SH3D21: variants seen among roughly 807,000 people sequenced by gnomAD.
SH3D21 encodes SH3 domain-containing protein 21.
SH3D21 carries 83 observed loss-of-function variants against 82.1 expected under a neutral mutation model. The ratio of observed to expected loss-of-function variants is 1.01; its 90% confidence interval spans 0.85 to 1.21. The LOEUF is 1.21. SH3D21 is among the 50% of genes most tolerant of loss of function. The probability of loss-of-function intolerance (pLI) is 0.00; values close to 1 mark genes in which losing one functional copy is unlikely to be tolerated. For missense variants in SH3D21, 980 were observed against 962.1 expected, an observed-to-expected ratio of 1.02 and a Z score of -0.25; for synonymous variants, 383 against 387.8, an observed-to-expected ratio of 0.99 and a Z score of 0.15.
At chr1:36,319,033 C>CT in intron 10 of SH3D21, 38 bp from the exon 11 acceptor site, 2 of 1,264,176 alleles carry the variant, frequency 1.6e-6, no homozygotes, top group Non-Finnish European at 1.1e-6. Flanking sequence ...GGGCTAGCGA[C>CT]TGTCAGATGG....
At chr1:36,329,830 G>C (rs916263392), downstream of SH3D21, among the ~76,000 whole-genome samples, 44 of 152,240 alleles carry the variant, frequency 2.9e-4, no homozygotes, top group Non-Finnish European at 4.9e-4. Flanking sequence ...CCTGGGAGAA[G>C]AGCCTTCGAG....
In SH3D21 at chr1:36,320,005, G is replaced by C. The variant is rs1260558510; in HGVS notation, c.1342G>C (p.Glu448Gln). The change falls in exon 14 of 16, where the codon GAG becomes CAG. Residue 448 changes from glutamate (E) to glutamine (Q), a missense_variant. Glu to Gln is a conservative substitution (Grantham distance 29). Coordinates refer to ENST00000453908, the MANE Select transcript of SH3D21 (RefSeq NM_001162530.2). ...TLTVDKPSTP[E>Q]RVFSVEESPA... is the part of the protein sequence containing the mutation. Reference sequence around the variant, plus strand: ...GACTGTGGACAAACCCTCCACTCCAGAGAGGGTCTTTTCAGTGGAAGAGTC... The same window carrying C: ...GACTGTGGACAAACCCTCCACTCCACAGAGGGTCTTTTCAGTGGAAGAGTC... The C allele has an allele frequency of 6.2e-7, 1 of 1,614,162 alleles. No individual in the cohort carries two copies. The highest frequency in any genetic ancestry group is 8.5e-7 in the Non-Finnish European group (1 of 1,180,014).
chr1:36,307,830 G>A lies in SH3D21; in HGVS notation c.492+5G>A, dbSNP rs928817456. The A allele has an allele frequency of 6.4e-7, 1 of 1,551,686 alleles. No homozygotes were observed. The highest frequency in any genetic ancestry group is 1.4e-5 in the African/African-American group (1 of 73,048). Reference sequence around the variant, plus strand: ...GGTCCCCAGCGGCCTCCCAAGGTAAGTTGGCTCAGAGTAGGCACAGAGGTG... The same window carrying A: ...GGTCCCCAGCGGCCTCCCAAGGTAAATTGGCTCAGAGTAGGCACAGAGGTG... On this transcript the variant is annotated splice_donor_5th_base_variant and intron_variant, in intron 6 of 15. Transcript: ENST00000453908. This position sits in a 1 kb window ranked among gnomAD's most constrained non-coding sequence, Gnocchi z 5.4.
intron 10 of SH3D21, among the ~76,000 whole-genome samples, chr1:36,310,853 T>TA (rs1482805675): frequency 2.6e-5 from 4 of 152,208 alleles, no homozygotes; most frequent in African/African-American, 9.6e-5. Context: ...TTGAGCTTCA[T>TA]AAAAATGGTA....
At chr1:36,310,695 T>C (rs1421679956) in intron 10 of SH3D21, among the ~76,000 whole-genome samples, 2 of 152,096 alleles carry the variant, frequency 1.3e-5, no homozygotes, top group Non-Finnish European at 2.9e-5. Flanking sequence ...CTGTTGTTTG[T>C]GTCCTCCTCC....
intron 10 of SH3D21, among the ~76,000 whole-genome samples, chr1:36,309,999 G>T (rs1256781299): frequency 6.6e-6 from 1 of 152,046 alleles, no homozygotes; most frequent in Non-Finnish European, 1.5e-5. Flanking sequence ...CTGTCGCCCA[G>T]ACTGGAGTGC....
downstream of SH3D21, chr1:36,323,934 T>A (rs1455391293): frequency 7.2e-5 from 11 of 152,252 alleles, 1 homozygote; most frequent in East Asian, 7.7e-4. Flanking sequence ...TATCCCCACT[T>A]CGCAGATCAA....
downstream of SH3D21, among the ~76,000 whole-genome samples, chr1:36,325,990 G>A (rs1365335048): frequency 2.0e-5 from 3 of 152,214 alleles, no homozygotes; most frequent in Admixed American, 6.5e-5. Context: ...ATAGGGTAAT[G>A]CGATGGACAA....
Position 36,319,497 on chromosome 1 carries a change from C to G in SH3D21, c.972C>G (p.Ser324=). 2 of 1,551,634 alleles carry G rather than the reference C, an allele frequency of 1.3e-6. No individual in the cohort carries two copies. The highest frequency in any genetic ancestry group is 1.7e-6 in the Non-Finnish European group (2 of 1,146,984). The change falls in exon 13 of 16, where the codon TCC becomes TCG. Residue 324 remains serine (S), a synonymous_variant. Coordinates refer to ENST00000453908, the MANE Select transcript of SH3D21 (RefSeq NM_001162530.2). ...GGSYHPGRKR[S]KTQTPQQRSV... The stretch of plus-strand genomic sequence containing the variant: ...CGTATCACCCTGGCCGAAAGCGATC[C>G]AAAACCCAGACTCCCCAGCAACGCT...
In SH3D21 at chr1:36,321,012, G is replaced by A. The variant is rs1166755090; in HGVS notation, c.2199+34G>A. On this transcript the variant is annotated intron_variant, in intron 15 of 15. Coordinates refer to ENST00000453908, the MANE Select transcript of SH3D21 (RefSeq NM_001162530.2). The surrounding 1 kb of genome is among the most constrained non-coding windows in gnomAD (Gnocchi z 6.1). ...CGGGTCCCGGCGGGAGGGGGCTGAC[G>A]GCGAGTGGCCCCCTGACAAAGTCTC... The A allele has an allele frequency of 1.9e-6, 3 of 1,581,464 alleles. No homozygotes were observed. The highest frequency in any genetic ancestry group is 1.1e-5 in the South Asian group (1 of 87,170).
Position 36,321,220 on chromosome 1 carries a change from C to A in SH3D21, c.*93C>A. 6.6e-7 allele frequency: 1 copy of A among 1,512,788 alleles called. No homozygotes were observed. Among genetic ancestry groups the A allele is most frequent in the Non-Finnish European group, 8.9e-7 (1 of 1,129,814 alleles). The allele number at this position is 1,512,788 out of a possible 1,614,324, so 93.7% of individuals were successfully genotyped here. ...GGGAAACGCGAGAAAGTAAACTCTGCCTAGCACGGCGCCACGCCGGTCTGG... is the reference window on the plus strand; with the variant it reads ...GGGAAACGCGAGAAAGTAAACTCTGACTAGCACGGCGCCACGCCGGTCTGG... On this transcript the variant is annotated 3_prime_UTR_variant, in exon 16 of 16. Coordinates refer to ENST00000453908, the MANE Select transcript of SH3D21 (RefSeq NM_001162530.2). This position sits in a 1 kb window ranked among gnomAD's most constrained non-coding sequence, Gnocchi z 6.1.
chr1:36,320,403 C>G lies in SH3D21; in HGVS notation c.1740C>G (p.His580Gln). Reference sequence around the variant, plus strand: ...CCAGGCCTGCCCTTGAGAAGCCCCACCCCCACGAAGAGGCTACAACCCTTC... The same window carrying G: ...CCAGGCCTGCCCTTGAGAAGCCCCAGCCCCACGAAGAGGCTACAACCCTTC... The part of the protein sequence containing the change: ...PASRPALEKP[H>Q]PHEEATTLPE... Residue 580 changes from histidine (H) to glutamine (Q), a missense_variant, in exon 14 of 16, where the codon CAC becomes CAG. By Grantham distance (24) the His-to-Gln change is conservative. Transcript: ENST00000453908. 1.2e-6 allele frequency: 2 copies of G among 1,613,606 alleles called. No individual in the cohort carries two copies. The highest frequency in any genetic ancestry group is 1.7e-6 in the Non-Finnish European group (2 of 1,179,908).
rs1266822100 is a variant in SH3D21 at position 36,320,739 on chromosome 1, G to C, written c.2076G>C (p.Ser692=). 1 of 1,608,436 alleles carries C rather than the reference G, an allele frequency of 6.2e-7. No homozygotes were observed. The highest frequency in any genetic ancestry group is 8.5e-7 in the Non-Finnish European group (1 of 1,177,274). Residue 692 remains serine, a synonymous_variant, in exon 14 of 16, where the codon TCG becomes TCC. Transcript: ENST00000453908. ...AGAATGAAGGAGTTGATGTAACGTCGCTGAGGGGCGAGGTGGAGTCTCTAA... is the reference window on the plus strand; with the variant it reads ...AGAATGAAGGAGTTGATGTAACGTCCCTGAGGGGCGAGGTGGAGTCTCTAA... The part of the protein sequence containing the change: ...ENKNEGVDVT[S]LRGEVESLRR...
chr1:36,321,235 C>T lies in SH3D21; in HGVS notation c.*108C>T. ...GTAAACTCTGCCTAGCACGGCGCCACGCCGGTCTGGTCGCTGGGGGCGGGG... is the reference window on the plus strand; with the variant it reads ...GTAAACTCTGCCTAGCACGGCGCCATGCCGGTCTGGTCGCTGGGGGCGGGG... On this transcript the variant is annotated 3_prime_UTR_variant, in exon 16 of 16. Coordinates refer to ENST00000453908, the MANE Select transcript of SH3D21 (RefSeq NM_001162530.2). This position sits in a 1 kb window ranked among gnomAD's most constrained non-coding sequence, Gnocchi z 6.1. 6.7e-7 allele frequency: 1 copy of T among 1,489,788 alleles called. No individual in the cohort carries two copies. Among genetic ancestry groups the T allele is most frequent in the Non-Finnish European group, 8.9e-7 (1 of 1,119,978 alleles). The allele number at this position is 1,489,788 out of a possible 1,614,324, so 92.3% of individuals were successfully genotyped here. A position where few individuals can be genotyped will look rare whatever the true frequency, so the allele number is the denominator to read the frequency against.
Position 36,306,519 on chromosome 1 carries a change from T to C in SH3D21, c.5-79T>C. 7.7e-7 allele frequency: 1 copy of C among 1,303,832 alleles called. No individual in the cohort carries two copies. The highest frequency in any genetic ancestry group is 1.2e-5 in the South Asian group (1 of 80,980). The allele number at this position is 1,303,832 out of a possible 1,614,324, so 80.8% of individuals were successfully genotyped here. On this transcript the variant is annotated intron_variant, in intron 1 of 15. Transcript: ENST00000453908. The surrounding 1 kb of genome is among the most constrained non-coding windows in gnomAD (Gnocchi z 4.5). ...CGACCCCCGCTGCCCTCTACGGTGC[T>C]TGGGGACACGCCCGCCCTAGCCAGG...
downstream of SH3D21, chr1:36,324,494 TG>T (rs1212380974): frequency 2.6e-5 from 4 of 152,324 alleles, no homozygotes; most frequent in African/African-American, 9.6e-5. Context: ...CCTCCCTTGC[TG>T]GAGCTAGAAT....
intron 10 of SH3D21, among the ~76,000 whole-genome samples, chr1:36,310,910 G>GT (rs950679725): frequency 8.6e-5 from 13 of 151,388 alleles, no homozygotes; most frequent in African/African-American, 3.2e-4. Flanking sequence ...TGGTTTGTTT[G>GT]TTTTTTTTTT....
rs745599399 is a variant in SH3D21, at chr1:36,320,653, C to G, written c.1990C>G (p.Pro664Ala). The G allele has an allele frequency of 1.2e-6, 2 of 1,614,274 alleles. No homozygotes were observed. The highest frequency in any genetic ancestry group is 1.1e-5 in the South Asian group (1 of 91,084). The change falls in exon 14 of 16, where the codon CCA (proline) becomes GCA (alanine). Residue 664 changes from proline (P) to alanine (A), a missense_variant. Transcript: ENST00000453908. Reference sequence around the variant, plus strand: ...AAAAACACGTCCTATCAAGCCGCCTCCAGACTCCCAAGAGACGCTCGCGCT... The same window carrying G: ...AAAAACACGTCCTATCAAGCCGCCTGCAGACTCCCAAGAGACGCTCGCGCT... ...AQKTRPIKPP[P>A]DSQETLALPS...
intron 10 of SH3D21, among the ~76,000 whole-genome samples, chr1:36,316,122 C>T (rs1391736257): frequency 3.3e-5 from 5 of 152,170 alleles, no homozygotes; most frequent in African/African-American, 9.7e-5. Flanking sequence ...TGCCCTCTAG[C>T]GTGTTTTATG....
Sources: allele counts gnomAD v4.1 joint callset (sites outside exome capture counted in the v4.1 genomes callset), GRCh38; gene constraint gnomAD v4.1.1; non-coding constraint Gnocchi (gnomAD v3.1); transcripts MANE v1.5; gene names NCBI Gene and HGNC (gene_info 2026-07-23, HGNC 2026-07-21).